RABEP1: variants seen among roughly 807,000 people sequenced by gnomAD.
The protein encoded by RABEP1 is rab GTPase-binding effector protein 1.
RABEP1 carries 51 observed loss-of-function variants against 123.4 expected under a neutral mutation model. The observed-to-expected ratio is 0.41, with a 90% CI of 0.33 to 0.52. RABEP1 has a LOEUF of 0.52. RABEP1 is among the 20% of genes least tolerant of loss of function. The pLI, the probability that RABEP1 is intolerant of heterozygous loss-of-function variation, is 0.16. For missense variants in RABEP1, 888 were observed against 996.3 expected (o/e 0.89, Z 1.46); for synonymous variants, 347 against 355.2 (o/e 0.98, Z 0.26).
rs1276274384 is a variant in RABEP1 at position 5,346,830 on chromosome 17, G to A, written c.689G>A (p.Cys230Tyr). 1 of 1,600,672 alleles carries A rather than the reference G, an allele frequency of 6.2e-7. No homozygotes were observed. The highest frequency in any genetic ancestry group is 8.5e-7 in the Non-Finnish European group (1 of 1,172,078). The change falls in exon 6 of 18, where the codon TGT becomes TAT. Residue 230 changes from cysteine (C) to tyrosine (Y), a missense_variant. Physicochemically the swap from Cys to Tyr is radical, Grantham distance 194. Coordinates refer to ENST00000537505, the MANE Select transcript of RABEP1 (RefSeq NM_004703.6). ...LNHYLEAEKS[C>Y]RTDLEMYVAV... Reference sequence around the variant, plus strand: ...CATTATCTGGAAGCTGAGAAATCTTGTAGGACTGATCTAGAGATGTATGTA... The same window carrying A: ...CATTATCTGGAAGCTGAGAAATCTTATAGGACTGATCTAGAGATGTATGTA...
intron 1 of RABEP1, among the ~76,000 whole-genome samples, chr17:5,289,148 C>T (rs561077783): frequency 2.4e-5 from 3 of 124,982 alleles, no homozygotes; most frequent in South Asian, 2.8e-4. Context: ...CTTGCCCTCC[C>T]TTCCTCCCTC....
intron 13 of RABEP1, among the ~76,000 whole-genome samples, chr17:5,374,204 T>A (rs1330655484): frequency 7.3e-5 from 11 of 149,882 alleles, no homozygotes. Context: ...GTAGCTGGGA[T>A]TACAAGCGCC....
At chr17:5,374,764 T>A (rs1910847774) in intron 13 of RABEP1, among the ~76,000 whole-genome samples, 1 of 152,206 alleles carries the variant, frequency 6.6e-6, no homozygotes, top group African/African-American at 2.4e-5. Flanking sequence ...CTCAGCTTCC[T>A]GAGTACTGGG....
At chr17:5,372,911 C>T (rs1477829719) in intron 12 of RABEP1, among the ~76,000 whole-genome samples, 1 of 152,172 alleles carries the variant, frequency 6.6e-6, no homozygotes, top group Non-Finnish European at 1.5e-5. Flanking sequence ...AGGCACCCCG[C>T]TGTACCCAGC....
At chr17:5,360,261 T>C (rs952127264) in intron 8 of RABEP1, among the ~76,000 whole-genome samples, 1 of 152,238 alleles carries the variant, frequency 6.6e-6, no homozygotes, top group Admixed American at 6.5e-5. Context: ...TACACCTTGC[T>C]GGAAAATACC....
intron 2 of RABEP1, among the ~76,000 whole-genome samples, chr17:5,318,201 G>A (rs2075317331): frequency 6.6e-6 from 1 of 152,266 alleles, no homozygotes; most frequent in Non-Finnish European, 1.5e-5. Context: ...AAATAATTTT[G>A]AAGCTTACAA....
At chr17:5,284,172 T>A (rs577048794) in intron 1 of RABEP1, 1 of 152,172 alleles carries the variant, frequency 6.6e-6, no homozygotes, top group Non-Finnish European at 1.5e-5. Flanking sequence ...ATTCCCTGCC[T>A]CTTTGAAGAT....
chr17:5,367,847 C>T (rs570799986), intron 11 of RABEP1, among the ~76,000 whole-genome samples: 14 of 149,702 alleles, frequency 9.4e-5, no homozygotes, highest in East Asian at 2.0e-4. Flanking sequence ...CTCTGCCTCC[C>T]GGTTTTCAAG....
chr17:5,315,702 A>T (rs575621802), intron 2 of RABEP1, among the ~76,000 whole-genome samples: 21 of 152,114 alleles, frequency 1.4e-4, no homozygotes, highest in African/African-American at 4.6e-4. Flanking sequence ...AATACAAAAA[A>T]CTAGCCGAGC....
chr17:5,337,471 G>T (rs1405217357), intron 4 of RABEP1, among the ~76,000 whole-genome samples: 1 of 152,002 alleles, frequency 6.6e-6, no homozygotes, highest in Non-Finnish European at 1.5e-5. Context: ...GGATCATGAG[G>T]TCAGGAGATC....
chr17:5,339,659 G>C (rs773928616), intron 5 of RABEP1, among the ~76,000 whole-genome samples: 1 of 107,322 alleles, frequency 9.3e-6, no homozygotes, highest in Admixed American at 8.6e-5. Context: ...TTAGCCAGGC[G>C]TGGTGGCCAC....
In RABEP1 at chr17:5,384,761, CATTAT is replaced by C. The variant is rs746546505; in HGVS notation, c.*1539_*1543del. Reference sequence around the variant, plus strand: ...TACTAAAGGCTTGCCGCACATGAAACATTATTTTAATTGGTTTAAAGTCCCTTTAT... The same window carrying C: ...TACTAAAGGCTTGCCGCACATGAAACTTTAATTGGTTTAAAGTCCCTTTAT... On this transcript the variant is annotated 3_prime_UTR_variant, in exon 18 of 18. Transcript: ENST00000537505. The C allele has an allele frequency of 7.7e-3, 1,404 of 182,286 alleles. 21 individuals carry two copies. Among genetic ancestry groups the C allele is most frequent in the African/African-American group, 0.035 (1,296 of 37,262 alleles). The allele number at this position is 182,286 out of a possible 1,614,324, so 11.3% of individuals were successfully genotyped here.
At chr17:5,353,991 A>C (rs1255047752) in intron 7 of RABEP1, among the ~76,000 whole-genome samples, 1 of 152,172 alleles carries the variant, frequency 6.6e-6, no homozygotes, top group Non-Finnish European at 1.5e-5. Context: ...TCTCAAAAAC[A>C]AACTTTTTCA....
intron 16 of RABEP1, 85 bp downstream of exon 16, chr17:5,380,547 G>T: frequency 5.4e-6 from 6 of 1,114,646 alleles, no homozygotes; most frequent in Non-Finnish European, 7.9e-6. Flanking sequence ...AAAAATATTG[G>T]TGCTTTGAAG....
chr17:5,381,457 C>G lies in RABEP1; in HGVS notation c.2439C>G (p.Val813=). ...AGAGATTACAGACAGAATTAGATGT[C>G]AGTGAGCAAGTCCAGAGGGATTTTG... ...KAQRLQTELD[V]SEQVQRDFVK... Residue 813 remains valine, a synonymous_variant, in exon 17 of 18, where the codon GTC becomes GTG. Coordinates refer to ENST00000537505, the MANE Select transcript of RABEP1 (RefSeq NM_004703.6). The G allele has an allele frequency of 6.2e-7, 1 of 1,613,640 alleles. No homozygotes were observed. Among genetic ancestry groups the G allele is most frequent in the Admixed American group, 1.7e-5 (1 of 59,994 alleles).
Position 5,378,250 on chromosome 17 carries a change from A to C in RABEP1, c.2271+18A>C. 1 of 1,554,816 alleles carries C rather than the reference A, an allele frequency of 6.4e-7. No homozygotes were observed. On this transcript the variant is annotated intron_variant, in intron 15 of 17. Coordinates refer to ENST00000537505, the MANE Select transcript of RABEP1 (RefSeq NM_004703.6). ...AAGGACAGGTAAGTCGTGAGTTTCA[A>C]ATTAATTCTATCAGCAACCAGTGGT... is the stretch of plus-strand genomic sequence containing the variant.
chr17:5,322,442 A>T (rs1223787538), intron 2 of RABEP1, among the ~76,000 whole-genome samples: 1 of 151,192 alleles, frequency 6.6e-6, no homozygotes, highest in African/African-American at 2.4e-5. Flanking sequence ...GGACAATTAT[A>T]AATATCTATG....
Position 5,350,438 on chromosome 17 carries a change from G to T in RABEP1, c.785-13G>T, listed in dbSNP as rs767191280. 1.3e-6 allele frequency: 2 copies of T among 1,593,386 alleles called. No individual in the cohort carries two copies. The highest frequency in any genetic ancestry group is 2.2e-5 in the East Asian group (1 of 44,570). On this transcript the variant is annotated splice_polypyrimidine_tract_variant and intron_variant, in intron 6 of 17. Transcript: ENST00000537505. The stretch of plus-strand genomic sequence containing the variant: ...CAGTGTTTTTGATTTGTGGTGGGGG[G>T]GTTCCTAAACAGTTTGCCATCTCTT...
chr17:5,378,010 C>T (rs3026103), intron 14 of RABEP1, among the ~76,000 whole-genome samples, 167 bp from the exon 15 acceptor site: 69 of 152,234 alleles, frequency 4.5e-4, no homozygotes, highest in Middle Eastern at 3.4e-3. Flanking sequence ...CTGCTTTTCC[C>T]TGAGCCTAAA....
Sources: allele counts gnomAD v4.1 joint callset (sites outside exome capture counted in the v4.1 genomes callset), GRCh38; gene constraint gnomAD v4.1.1; transcripts MANE v1.5; gene names NCBI Gene and HGNC (gene_info 2026-07-23, HGNC 2026-07-21).